PDE1C: variants seen among roughly 807,000 people sequenced by gnomAD.
PDE1C encodes phosphodiesterase 1C.
A neutral mutation model predicts 93.1 loss-of-function variants in PDE1C; 62 were observed. The observed-to-expected ratio is 0.67, with a 90% CI of 0.54 to 0.82. The LOEUF (loss-of-function observed/expected upper bound fraction) is 0.82. PDE1C is among the 40% of genes least tolerant of loss of function. The pLI is 0.00. For missense variants in PDE1C, 742 were observed against 884.6 expected, an observed-to-expected ratio of 0.84 and a Z score of 2.04; for synonymous variants, 325 against 310.1, an observed-to-expected ratio of 1.05 and a Z score of -0.50.
At chr7:32,124,258 C>T (rs11972346) in intron 3 of PDE1C, among the ~76,000 whole-genome samples, 20,390 of 152,072 alleles carry the variant, frequency 0.13, 2,542 homozygotes, top group African/African-American at 0.33. Flanking sequence ...GAATCAATAG[C>T]GTGAAAATGG....
At chr7:32,260,654 T>C (rs60108134) in intron 1 of PDE1C, among the ~76,000 whole-genome samples, 20,384 of 152,278 alleles carry the variant, frequency 0.13, 1,516 homozygotes, top group East Asian at 0.3. Context: ...CTATCTTGCC[T>C]CTAACCCTTA....
rs1432592882 is a variant in PDE1C at position 31,824,856 on chromosome 7, T to TC, written c.1406+10dup. On this transcript the variant is annotated intron_variant, in intron 13 of 17. Coordinates refer to ENST00000396191, the MANE Select transcript of PDE1C (RefSeq NM_001191057.4). The stretch of plus-strand genomic sequence containing the variant: ...CAACCTCACCCTCAGCCCTCAAGCT[T>TC]CCCCACTGACCTCGAACGCCTCTGT... The TC allele has an allele frequency of 6.2e-6, 10 of 1,611,870 alleles. No individual in the cohort carries two copies. The highest frequency in any genetic ancestry group is 7.6e-6 in the Non-Finnish European group (9 of 1,178,638).
intron 1 of PDE1C, among the ~76,000 whole-genome samples, chr7:32,396,083 G>A (rs1784835917): frequency 6.6e-6 from 1 of 152,038 alleles, no homozygotes; most frequent in African/African-American, 2.4e-5. Flanking sequence ...AGTTTATATG[G>A]CAAAAGAATC....
intron 2 of PDE1C, among the ~76,000 whole-genome samples, chr7:31,945,018 T>A (rs547141328): frequency 1.3e-5 from 2 of 152,206 alleles, no homozygotes; most frequent in Admixed American, 6.5e-5. Flanking sequence ...ATAATCTCAT[T>A]TTACTTTATC....
chr7:31,935,978 A>C (rs548856917), intron 2 of PDE1C, among the ~76,000 whole-genome samples: 1 of 152,140 alleles, frequency 6.6e-6, no homozygotes, highest in Non-Finnish European at 1.5e-5. Context: ...ACTTCCCTCC[A>C]CTTCCCACAG....
At chr7:32,322,808 T>C (rs962150051) in intron 1 of PDE1C, among the ~76,000 whole-genome samples, 1 of 151,672 alleles carries the variant, frequency 6.6e-6, no homozygotes, top group Non-Finnish European at 1.5e-5. Context: ...AAAGACGGGG[T>C]TTCAGCATCT....
chr7:31,796,201 TA>T (rs901094602), intron 16 of PDE1C, among the ~76,000 whole-genome samples: 4 of 150,106 alleles, frequency 2.7e-5, no homozygotes, highest in African/African-American at 9.7e-5. Context: ...TGATATATAT[TA>T]ATATATCTTA....
At chr7:31,690,924 G>A in the PDE1C span, among the ~76,000 whole-genome samples, 1 of 152,088 alleles carries the variant, frequency 6.6e-6, no homozygotes, top group African/African-American at 2.4e-5. Flanking sequence ...GTATGACTGG[G>A]CCCATGACTC....
intron 2 of PDE1C, among the ~76,000 whole-genome samples, chr7:32,194,296 CT>C (rs1562566598): frequency 6.6e-6 from 1 of 152,128 alleles, no homozygotes; most frequent in Admixed American, 6.5e-5. Context: ...CCTTATTATC[CT>C]TTTGATATCT....
chr7:32,319,021 C>T lies in PDE1C; in HGVS notation c.310+108801G>A, dbSNP rs570256299. ...GTGGTGATTGTCACGTCCGTGCTCCCTTAAGCTGTTGCAAGGGCAGAGGAA... is the reference window on the plus strand; with the variant it reads ...GTGGTGATTGTCACGTCCGTGCTCCTTTAAGCTGTTGCAAGGGCAGAGGAA... On this transcript the variant is annotated intron_variant, in intron 1 of 1. Coordinates refer to the PDE1C transcript ENST00000672256. Among the ~76,000 whole-genome samples, 9 of 152,340 alleles carry T rather than the reference C, an allele frequency of 5.9e-5. No homozygotes were observed. In the South Asian group the frequency reaches 1.9e-3, roughly 32 times the overall value.
intron 2 of PDE1C, among the ~76,000 whole-genome samples, chr7:31,937,821 G>A (rs1279526165): frequency 6.6e-6 from 1 of 152,066 alleles, no homozygotes; most frequent in East Asian, 1.9e-4. Flanking sequence ...AGCATATTAT[G>A]CTGAAGGAGC....
At chr7:32,205,945 T>C (rs1223859701) in intron 2 of PDE1C, among the ~76,000 whole-genome samples, 1 of 152,198 alleles carries the variant, frequency 6.6e-6, no homozygotes, top group Non-Finnish European at 1.5e-5. Context: ...GTAAGAACTG[T>C]AACACTCACC....
the PDE1C span, among the ~76,000 whole-genome samples, chr7:31,726,933 G>A: frequency 6.6e-6 from 1 of 152,098 alleles, no homozygotes; most frequent in Admixed American, 6.6e-5. Flanking sequence ...TATTCGGGAG[G>A]CCTGAGGCAG....
chr7:32,061,191 C>T (rs1469559460), intron 1 of PDE1C, among the ~76,000 whole-genome samples: 2 of 152,200 alleles, frequency 1.3e-5, no homozygotes, highest in Admixed American at 1.3e-4. Flanking sequence ...CAAAATGCTC[C>T]ATGCACTCTC....
intron 3 of PDE1C, among the ~76,000 whole-genome samples, chr7:32,084,961 AC>A (rs1796972530): frequency 7.0e-6 from 1 of 142,894 alleles, no homozygotes; most frequent in African/African-American, 2.6e-5. Flanking sequence ...GCAAGAGCAA[AC>A]ACATTCAAAA....
At chr7:31,742,775 C>A in the PDE1C span, among the ~76,000 whole-genome samples, 1 of 152,300 alleles carries the variant, frequency 6.6e-6, no homozygotes, top group Non-Finnish European at 1.5e-5. Flanking sequence ...TTTGAACCTT[C>A]TTCTGAGCAC....
chr7:31,826,487 A>G (rs1481187190), intron 12 of PDE1C, among the ~76,000 whole-genome samples: 2 of 152,206 alleles, frequency 1.3e-5, no homozygotes, highest in African/African-American at 4.8e-5. Context: ...TGATGACACC[A>G]TTTTTGCCTT....
intron 2 of PDE1C, among the ~76,000 whole-genome samples, chr7:31,928,692 A>T (rs1483064766): frequency 1.3e-5 from 2 of 152,196 alleles, no homozygotes; most frequent in Non-Finnish European, 2.9e-5. Flanking sequence ...ACTAAGCTTC[A>T]TAAGCAAAGG....
At chr7:32,345,776 A>G (rs1038050812) in intron 1 of PDE1C, among the ~76,000 whole-genome samples, 1 of 152,240 alleles carries the variant, frequency 6.6e-6, no homozygotes, top group African/African-American at 2.4e-5. Context: ...CATTAATAAA[A>G]TGCAAATCAA....
Sources: gnomAD v4.1 joint callset for allele counts (sites outside exome capture counted in the v4.1 genomes callset) on GRCh38, gnomAD v4.1.1 for gene constraint, MANE v1.5 for transcripts, NCBI Gene and HGNC (gene_info 2026-07-23, HGNC 2026-07-21) for gene names.